ZBTB7C: variants seen among roughly 807,000 people sequenced by gnomAD.
The protein encoded by ZBTB7C is zinc finger and BTB domain containing 7C, also known as zinc finger and BTB domain-containing protein 7C.
A neutral mutation model predicts 25.7 loss-of-function variants in ZBTB7C; 8 were observed. The observed-to-expected ratio is 0.31, with a 90% CI of 0.18 to 0.56. The LOEUF (loss-of-function observed/expected upper bound fraction) is 0.56, where lower values mean the gene tolerates loss of function less well. Among genes scored for constraint, ZBTB7C ranks in the 20% least tolerant of loss-of-function variants. The pLI, the probability that ZBTB7C is intolerant of heterozygous loss-of-function variation, is 0.91. For missense variants in ZBTB7C, 824 were observed against 855.2 expected, an observed-to-expected ratio of 0.96 and a Z score of 0.46; for synonymous variants, 394 against 369.0, an observed-to-expected ratio of 1.07 and a Z score of -0.78.
Position 48,354,423 on chromosome 18 carries a change from G to A in ZBTB7C, c.-303-16025C>T, listed in dbSNP as rs73957639. ...CTCCTGTTGGAGTCTTTACGTGCAC[G>A]AACATCGTTCTCACAGACCATCCAA... On this transcript the variant is annotated intron_variant, in intron 1 of 4. Coordinates refer to ENST00000590800, the MANE Select transcript of ZBTB7C (RefSeq NM_001318841.2). Among the ~76,000 whole-genome samples, 1,463 of 152,220 alleles carry A rather than the reference G, an allele frequency of 9.6e-3. 21 individuals are homozygous for A. The highest frequency in any genetic ancestry group is 0.033 in the African/African-American group (1,356 of 41,516).
intron 3 of ZBTB7C, among the ~76,000 whole-genome samples, chr18:48,170,368 G>A (rs2145020980): frequency 6.6e-6 from 1 of 152,360 alleles, no homozygotes. Flanking sequence ...AAGCTCTTGG[G>A]GGGCCTGGCA....
chr18:48,337,025 C>T (rs1348297199), intron 2 of ZBTB7C, among the ~76,000 whole-genome samples: 1 of 152,196 alleles, frequency 6.6e-6, no homozygotes, highest in East Asian at 1.9e-4. Context: ...CCGAGCCCAC[C>T]TAGCACCTTT....
chr18:48,275,427 A>G (rs1368944049), intron 2 of ZBTB7C, among the ~76,000 whole-genome samples: 1 of 152,220 alleles, frequency 6.6e-6, no homozygotes, highest in African/African-American at 2.4e-5. Context: ...CCTTGTGGGC[A>G]GGACACAGCC....
intron 1 of ZBTB7C, among the ~76,000 whole-genome samples, chr18:48,388,925 T>C (rs995251593): frequency 2.0e-5 from 3 of 152,164 alleles, no homozygotes; most frequent in African/African-American, 7.2e-5. Flanking sequence ...ATCAGTTCTA[T>C]GTTCTTAAGA....
intron 2 of ZBTB7C, among the ~76,000 whole-genome samples, chr18:48,201,314 A>G (rs534867605): frequency 7.2e-5 from 11 of 152,372 alleles, no homozygotes; most frequent in African/African-American, 2.4e-4. Context: ...ACAGACATGC[A>G]TGAATGCTGG....
intron 3 of ZBTB7C, among the ~76,000 whole-genome samples, chr18:48,117,158 A>G (rs186859244): frequency 3.6e-4 from 55 of 152,308 alleles, no homozygotes; most frequent in African/African-American, 1.1e-3. Flanking sequence ...AACTGGATAT[A>G]CCAGAACATA....
rs746859293 is a variant in ZBTB7C, at chr18:48,235,058, A to G, written c.-78-49063T>C. On this transcript the variant is annotated intron_variant, in intron 2 of 4. Transcript: ENST00000590800. The stretch of plus-strand genomic sequence containing the variant: ...ATCTTTTTCCACTCATTCACTTTCA[A>G]TTTTTTTTTGTCTCTTAAAACTGCA... 3.3e-5 allele frequency among the ~76,000 whole-genome samples: 5 copies of G among 151,624 alleles called. 1 individual carries two copies. The highest frequency in any genetic ancestry group is 4.2e-4 in the South Asian group (2 of 4,774).
At chr18:48,075,494 C>T (rs977627268) in intron 3 of ZBTB7C, among the ~76,000 whole-genome samples, 15 of 152,180 alleles carry the variant, frequency 9.9e-5, no homozygotes, top group Admixed American at 9.8e-4. Context: ...CCAGGAAACA[C>T]AGAGCAGCCC....
chr18:48,069,902 TG>T (rs1292821674), intron 3 of ZBTB7C, among the ~76,000 whole-genome samples: 1 of 152,158 alleles, frequency 6.6e-6, no homozygotes, highest in Non-Finnish European at 1.5e-5. Context: ...GAGTCAGGCC[TG>T]GCCCCTGGAG....
chr18:48,100,972 T>C (rs1360420789), intron 3 of ZBTB7C, among the ~76,000 whole-genome samples: 1 of 152,034 alleles, frequency 6.6e-6, no homozygotes, highest in Non-Finnish European at 1.5e-5. Flanking sequence ...TGTAGGCTGT[T>C]CTGGGCTCCT....
chr18:48,306,760 C>T (rs187324194), intron 2 of ZBTB7C, among the ~76,000 whole-genome samples: 17 of 152,262 alleles, frequency 1.1e-4, no homozygotes, highest in Admixed American at 5.9e-4. Context: ...CTCCCTAGAA[C>T]GATGCCTACC....
At chr18:48,035,736 T>C (rs1174485949) in intron 4 of ZBTB7C, among the ~76,000 whole-genome samples, 1 of 152,242 alleles carries the variant, frequency 6.6e-6, no homozygotes, top group East Asian at 1.9e-4. Context: ...TGCTCCCTGT[T>C]CTTCTAGGCC....
intron 2 of ZBTB7C, among the ~76,000 whole-genome samples, chr18:48,267,776 C>CA (rs2044355279): frequency 6.6e-6 from 1 of 152,158 alleles, no homozygotes; most frequent in South Asian, 2.1e-4. Flanking sequence ...CTGACCCTTA[C>CA]ACCACGTGAG....
At position 48,336,338 on chromosome 18, in the gene ZBTB7C, T is replaced by C. The variant is rs189984686; in HGVS notation, c.-79+1836A>G. Among the ~76,000 whole-genome samples, 411 of 152,350 alleles carry C rather than the reference T, an allele frequency of 2.7e-3. 4 individuals are homozygous for C. Among genetic ancestry groups the C allele is most frequent in the African/African-American group, 9.5e-3 (393 of 41,584 alleles). On this transcript the variant is annotated intron_variant, in intron 2 of 4. Transcript: ENST00000590800. ...TCTCACCCCCCACCAGACTGTGAGC[T>C]TCTCCAAAAGCAGAATCACGGAAAC... is the stretch of plus-strand genomic sequence containing the variant.
intron 1 of ZBTB7C, among the ~76,000 whole-genome samples, chr18:48,345,077 C>T (rs1206393986): frequency 1.3e-5 from 2 of 152,192 alleles, no homozygotes; most frequent in African/African-American, 4.8e-5. Context: ...AATAAAGCAA[C>T]CCAGATTCTG....
chr18:48,039,526 GGCGGC>G (rs1245574390), intron 4 of ZBTB7C, among the ~76,000 whole-genome samples: 3 of 152,184 alleles, frequency 2.0e-5, no homozygotes, highest in African/African-American at 7.2e-5. Flanking sequence ...CAAACAAAGG[GGCGGC>G]ACTCCATCTG....
intron 1 of ZBTB7C, among the ~76,000 whole-genome samples, chr18:48,393,091 G>A (rs1317849963): frequency 1.3e-5 from 2 of 152,198 alleles, no homozygotes; most frequent in African/African-American, 4.8e-5. Flanking sequence ...GCTTTTTGAT[G>A]TGACAATACC....
At chr18:48,395,430 A>G (rs2048006969) in intron 1 of ZBTB7C, among the ~76,000 whole-genome samples, 1 of 113,598 alleles carries the variant, frequency 8.8e-6, no homozygotes, top group Non-Finnish European at 1.8e-5. Flanking sequence ...ATGTGTATGA[A>G]TGTGGATGTG....
intron 2 of ZBTB7C, among the ~76,000 whole-genome samples, chr18:48,225,466 C>A (rs1208322801): frequency 6.6e-6 from 1 of 152,182 alleles, no homozygotes; most frequent in African/African-American, 2.4e-5. Context: ...ATAAGGAAAG[C>A]AGCTCTGCTT....
Sources: allele counts gnomAD v4.1 joint callset (sites outside exome capture counted in the v4.1 genomes callset), GRCh38; gene constraint gnomAD v4.1.1; transcripts MANE v1.5; gene names NCBI Gene and HGNC (gene_info 2026-07-23, HGNC 2026-07-21).